The following GAS2 variants were observed in gnomAD, a reference collection of about 807,000 sequenced individuals.
The protein encoded by GAS2 is growth arrest-specific protein 2.
In GAS2, 20 loss-of-function variants were observed where a neutral mutation model predicts 37.5. That is an observed-to-expected ratio of 0.53 (90% CI 0.37 to 0.77). GAS2 has a LOEUF of 0.77. GAS2 is among the 30% of genes least tolerant of loss of function. The probability of loss-of-function intolerance (pLI) is 0.00; values close to 1 mark genes in which losing one functional copy is unlikely to be tolerated. For missense variants in GAS2, 336 were observed against 373.4 expected, an observed-to-expected ratio of 0.90 and a Z score of 0.82; for synonymous variants, 144 against 132.2, an observed-to-expected ratio of 1.09 and a Z score of -0.61.
chr11:22,753,059 T>G (rs1408300687), intron 6 of GAS2, among the ~76,000 whole-genome samples: 1 of 152,064 alleles, frequency 6.6e-6, no homozygotes, highest in Non-Finnish European at 1.5e-5. Context: ...CAGAAATCAT[T>G]CTTACTTTCT....
At chr11:22,656,458 G>A (rs557253090) in intron 1 of GAS2, among the ~76,000 whole-genome samples, 75 of 152,260 alleles carry the variant, frequency 4.9e-4, no homozygotes, top group African/African-American at 1.6e-3. Flanking sequence ...ATTGTGTGAA[G>A]GATAAACTGA....
intron 3 of GAS2, among the ~76,000 whole-genome samples, chr11:22,725,144 A>G (rs1852138871): frequency 6.6e-6 from 1 of 152,056 alleles, no homozygotes; most frequent in Non-Finnish European, 1.5e-5. Flanking sequence ...GCTTCATGGA[A>G]TGTCATGGAA....
At chr11:22,789,302 A>G (rs1438077115) in intron 7 of GAS2, among the ~76,000 whole-genome samples, 8 of 93,494 alleles carry the variant, frequency 8.6e-5, no homozygotes, top group Middle Eastern at 5.6e-3. Flanking sequence ...ATATATATAT[A>G]TACACACACA....
intron 3 of GAS2, among the ~76,000 whole-genome samples, chr11:22,698,899 G>C (rs1028911915): frequency 6.6e-6 from 1 of 152,102 alleles, no homozygotes; most frequent in South Asian, 2.1e-4. Flanking sequence ...TGGTTCTAGT[G>C]TTTACCATCT....
At chr11:22,803,376 T>C (rs1856750124) in intron 7 of GAS2, among the ~76,000 whole-genome samples, 1 of 152,154 alleles carries the variant, frequency 6.6e-6, no homozygotes, top group African/African-American at 2.4e-5. Flanking sequence ...CATAAGCCTA[T>C]GAATCATTTT....
intron 3 of GAS2, among the ~76,000 whole-genome samples, chr11:22,686,743 C>G (rs941478755): frequency 6.6e-6 from 1 of 151,518 alleles, no homozygotes; most frequent in African/African-American, 2.4e-5. Context: ...GAGTAGGACT[C>G]TATCTAAAAA....
At chr11:22,716,554 A>G (rs1851686883) in intron 3 of GAS2, among the ~76,000 whole-genome samples, 1 of 151,600 alleles carries the variant, frequency 6.6e-6, no homozygotes, top group African/African-American at 2.4e-5. Flanking sequence ...GCACGAGACT[A>G]GCTTGAACCT....
intron 7 of GAS2, among the ~76,000 whole-genome samples, chr11:22,787,687 T>C (rs1166180172): frequency 6.6e-6 from 1 of 152,194 alleles, no homozygotes; most frequent in Non-Finnish European, 1.5e-5. Flanking sequence ...TTTGCTTCTT[T>C]AGTTCTGATA....
At chr11:22,743,407 T>C (rs1008996131) in intron 5 of GAS2, among the ~76,000 whole-genome samples, 2 of 152,108 alleles carry the variant, frequency 1.3e-5, no homozygotes, top group African/African-American at 4.8e-5. Flanking sequence ...TCTCAGATGT[T>C]GTGCCATGTG....
At chr11:22,679,833 A>T (rs11026728) in intron 2 of GAS2, among the ~76,000 whole-genome samples, 5 of 35,236 alleles carry the variant, frequency 1.4e-4, no homozygotes, top group East Asian at 5.9e-3. Flanking sequence ...ATAAATCATC[A>T]GATATATTAA....
At chr11:22,641,322 C>CTTTATGTATA (rs1848626947) in intron 1 of GAS2, among the ~76,000 whole-genome samples, 1 of 140,324 alleles carries the variant, frequency 7.1e-6, no homozygotes, top group Admixed American at 7.4e-5. Context: ...ATTTATATAT[C>CTTTATGTATA]TTTATATATA....
intron 5 of GAS2, among the ~76,000 whole-genome samples, chr11:22,745,805 A>G (rs910399683): frequency 1.3e-5 from 2 of 152,144 alleles, no homozygotes; most frequent in African/African-American, 4.8e-5. Flanking sequence ...ACACTTAAAA[A>G]AACATACAAG....
upstream of GAS2, among the ~76,000 whole-genome samples, chr11:22,663,098 G>A (rs111472910): frequency 3.3e-5 from 5 of 152,188 alleles, no homozygotes; most frequent in African/African-American, 1.2e-4. Context: ...GGCAGCAGGA[G>A]AGAGAGAAAG....
At chr11:22,698,580 A>G (rs1357194111) in intron 3 of GAS2, among the ~76,000 whole-genome samples, 25 of 149,890 alleles carry the variant, frequency 1.7e-4, no homozygotes, top group Admixed American at 1.7e-3. Context: ...AGAGAATTTT[A>G]GACCAATATC....
intron 2 of GAS2, among the ~76,000 whole-genome samples, chr11:22,681,508 A>G (rs986363112): frequency 7.2e-5 from 11 of 152,318 alleles, no homozygotes; most frequent in Admixed American, 5.9e-4. Context: ...TGTTCAAACC[A>G]ATGTCTTTAC....
chr11:22,644,449 A>G (rs12292119), intron 1 of GAS2, among the ~76,000 whole-genome samples: 36,417 of 152,152 alleles, frequency 0.24, 5,715 homozygotes, highest in African/African-American at 0.44. Context: ...AGAATATTCT[A>G]TCAGATTTGA....
Position 22,749,284 on chromosome 11 carries a change from C to G in GAS2, c.615+23C>G, listed in dbSNP as rs745560756. On this transcript the variant is annotated intron_variant, in intron 6 of 7. Coordinates refer to ENST00000454584, the MANE Select transcript of GAS2 (RefSeq NM_001143830.3). Reference sequence around the variant, plus strand: ...GCAGTAAGTAAAATCAGTCAGACTTCTTACCAACGGTTAGTCTTTCTTGCA... The same window carrying G: ...GCAGTAAGTAAAATCAGTCAGACTTGTTACCAACGGTTAGTCTTTCTTGCA... 1.9e-6 allele frequency: 3 copies of G among 1,604,746 alleles called. No homozygotes were observed. In the Admixed American group the frequency reaches 5.1e-5, roughly 27 times the overall value.
At chr11:22,792,713 A>G (rs1026161954) in intron 7 of GAS2, among the ~76,000 whole-genome samples, 8 of 152,212 alleles carry the variant, frequency 5.3e-5, no homozygotes, top group African/African-American at 1.9e-4. Flanking sequence ...CCATGGAACA[A>G]TAGGCTCATT....
chr11:22,637,279 G>T (rs1448098333), intron 1 of GAS2, among the ~76,000 whole-genome samples: 4 of 90,604 alleles, frequency 4.4e-5, no homozygotes, highest in East Asian at 3.2e-4. Flanking sequence ...TATATTAATA[G>T]TATACTAATA....
Sources: gnomAD v4.1 joint callset for allele counts (sites outside exome capture counted in the v4.1 genomes callset) on GRCh38, gnomAD v4.1.1 for gene constraint, MANE v1.5 for transcripts, NCBI Gene and HGNC (gene_info 2026-07-23, HGNC 2026-07-21) for gene names.